Variants in ACYP2 observed in about 807,000 individuals in gnomAD.
The protein encoded by ACYP2 is acylphosphatase-2.
Under a neutral mutation model 11.2 loss-of-function variants are expected in ACYP2, and 12 were observed. The observed-to-expected ratio is 1.08, with a 90% CI of 0.69 to 1.74. ACYP2 has a LOEUF of 1.74. ACYP2 is among the 40% of genes most tolerant of loss of function. The probability of loss-of-function intolerance (pLI) is 0.00; values close to 1 mark genes in which losing one functional copy is unlikely to be tolerated. For synonymous variants in ACYP2, 43 were observed against 32.2 expected (o/e 1.33, Z -1.13); for missense variants, 134 against 101.9 (o/e 1.31, Z -1.35).
intron 6 of ACYP2, among the ~76,000 whole-genome samples, chr2:54,207,529 A>G (rs1685132388): frequency 6.6e-6 from 1 of 152,238 alleles, no homozygotes; most frequent in African/African-American, 2.4e-5. Context: ...CTTCTAGACT[A>G]AAATTTGACC....
intron 6 of ACYP2, among the ~76,000 whole-genome samples, chr2:54,247,963 G>C (rs1687036957): frequency 6.6e-6 from 1 of 152,198 alleles, no homozygotes; most frequent in Non-Finnish European, 1.5e-5. Context: ...TGCACACAAA[G>C]TGCTTAGCCA....
At chr2:54,004,889 T>G (rs1400068102) in intron 2 of ACYP2, among the ~76,000 whole-genome samples, 24 of 111,948 alleles carry the variant, frequency 2.1e-4, no homozygotes, top group African/African-American at 8.2e-4. Context: ...TGCAAGACTC[T>G]GTCTCAAAAA....
intron 4 of ACYP2, among the ~76,000 whole-genome samples, chr2:54,119,617 C>T (rs1680027689): frequency 6.6e-6 from 1 of 152,082 alleles, no homozygotes; most frequent in Non-Finnish European, 1.5e-5. Flanking sequence ...TGTTTTAACC[C>T]TCCTGTATGG....
chr2:54,256,072 C>A (rs766831952), intron 6 of ACYP2: 2 of 1,614,036 alleles, frequency 1.2e-6, no homozygotes, highest in Non-Finnish European at 1.7e-6. Flanking sequence ...GCTCTTTTCT[C>A]GGGACCTCTG....
intron 6 of ACYP2, among the ~76,000 whole-genome samples, chr2:54,233,086 G>GT (rs965401959): frequency 1.3e-5 from 2 of 151,420 alleles, no homozygotes; most frequent in Non-Finnish European, 2.9e-5. Flanking sequence ...TTCATCAAAT[G>GT]TTTTTTCTAA....
chr2:54,237,473 A>G (rs1025348647), intron 6 of ACYP2, among the ~76,000 whole-genome samples: 5 of 152,162 alleles, frequency 3.3e-5, no homozygotes, highest in African/African-American at 1.2e-4. Flanking sequence ...AATTCTCTAC[A>G]TGAAGTGAAA....
chr2:54,274,781 G>T, intron 6 of ACYP2, among the ~76,000 whole-genome samples: 1 of 152,002 alleles, frequency 6.6e-6, no homozygotes. Flanking sequence ...GAGCCATAGG[G>T]AATCAAAATT....
In ACYP2 at chr2:54,171,242, C is replaced by T. The variant is rs13426910; in HGVS notation, c.404+32494C>T. The stretch of plus-strand genomic sequence containing the variant: ...CGTGTCTGCTGTCCAGCCCCAAATA[C>T]GACCCTTTTAATCTCATAAAACTAC... On this transcript the variant is annotated intron_variant, in intron 6 of 6. Coordinates refer to ENST00000607452, the MANE Select transcript of ACYP2 (RefSeq NM_001320586.2). Among the ~76,000 whole-genome samples, 1,200 of 152,202 alleles carry T rather than the reference C, an allele frequency of 7.9e-3. 14 individuals are homozygous for T. The highest frequency in any genetic ancestry group is 0.028 in the African/African-American group (1,164 of 41,508).
At chr2:54,073,600 C>T (rs1197027089) in intron 4 of ACYP2, among the ~76,000 whole-genome samples, 1 of 152,064 alleles carries the variant, frequency 6.6e-6, no homozygotes, top group Non-Finnish European at 1.5e-5. Flanking sequence ...GAAAAGGCAA[C>T]TCATAGAAGG....
chr2:54,028,267 G>A (rs1028106714), intron 2 of ACYP2, among the ~76,000 whole-genome samples: 5 of 152,080 alleles, frequency 3.3e-5, no homozygotes, highest in Non-Finnish European at 7.4e-5. Context: ...TCTTCAACTG[G>A]AATTTGTCTA....
chr2:54,153,774 C>A (rs1682307595), intron 6 of ACYP2, among the ~76,000 whole-genome samples: 1 of 151,422 alleles, frequency 6.6e-6, no homozygotes, highest in Non-Finnish European at 1.5e-5. Context: ...TAATTTTTTG[C>A]ATTTTTTAGT....
chr2:54,138,090 A>C (rs1377639003), intron 5 of ACYP2, among the ~76,000 whole-genome samples: 2 of 112,270 alleles, frequency 1.8e-5, no homozygotes, highest in East Asian at 4.8e-4. Context: ...ACTTTTGAGA[A>C]GTGTCCATGT....
At chr2:54,299,393 A>G (rs1417153769) in intron 6 of ACYP2, among the ~76,000 whole-genome samples, 1 of 152,074 alleles carries the variant, frequency 6.6e-6, no homozygotes, top group East Asian at 1.9e-4. Context: ...GGAGTTTGAG[A>G]GCGGCCTGAC....
At chr2:54,061,612 C>T (rs777322680) in intron 4 of ACYP2, among the ~76,000 whole-genome samples, 1 of 152,116 alleles carries the variant, frequency 6.6e-6, no homozygotes, top group Non-Finnish European at 1.5e-5. Flanking sequence ...TAATGGGAGC[C>T]TATTGGTTAG....
chr2:54,201,465 C>T (rs913261456), intron 6 of ACYP2, among the ~76,000 whole-genome samples: 5 of 151,952 alleles, frequency 3.3e-5, no homozygotes, highest in African/African-American at 1.2e-4. Context: ...AATACTAGAA[C>T]CTTATCAGAT....
At chr2:54,081,564 C>G (rs1000070051) in intron 4 of ACYP2, among the ~76,000 whole-genome samples, 3 of 152,156 alleles carry the variant, frequency 2.0e-5, no homozygotes, top group Non-Finnish European at 4.4e-5. Context: ...GTGGAGTAGG[C>G]TATACCATCT....
intron 4 of ACYP2, among the ~76,000 whole-genome samples, chr2:54,101,771 G>A (rs565483405): frequency 1.2e-4 from 18 of 151,082 alleles, no homozygotes; most frequent in African/African-American, 4.1e-4. Flanking sequence ...AAATTAGTGT[G>A]TTTTATGTCT....
At chr2:54,218,183 G>A (rs1685635520) in intron 6 of ACYP2, among the ~76,000 whole-genome samples, 1 of 152,116 alleles carries the variant, frequency 6.6e-6, no homozygotes, top group African/African-American at 2.4e-5. Flanking sequence ...ATTAAAGGTA[G>A]AATTAATTTG....
intron 4 of ACYP2, among the ~76,000 whole-genome samples, chr2:54,075,743 G>C (rs1283835887): frequency 2.0e-5 from 3 of 151,858 alleles, no homozygotes; most frequent in Admixed American, 6.6e-5. Context: ...AACCTGGGAG[G>C]CCGAGGTTGC....
Sources: allele counts gnomAD v4.1 joint callset (sites outside exome capture counted in the v4.1 genomes callset), GRCh38; gene constraint gnomAD v4.1.1; transcripts MANE v1.5; gene names NCBI Gene and HGNC (gene_info 2026-07-23, HGNC 2026-07-21).